The following LRRC59 variants were observed in gnomAD, a reference collection of about 807,000 sequenced individuals.
LRRC59 encodes the protein leucine rich repeat containing 59, also known as leucine-rich repeat-containing protein 59.
A neutral mutation model predicts 33.5 loss-of-function variants in LRRC59; 18 were observed. The observed-to-expected ratio is 0.54, with a 90% CI of 0.37 to 0.80. The LOEUF (loss-of-function observed/expected upper bound fraction) is 0.80, where lower values mean the gene tolerates loss of function less well. Among genes scored for constraint, LRRC59 ranks in the 30% least tolerant of loss-of-function variants. LRRC59 has a pLI of 0.00. For missense variants in LRRC59, 330 were observed against 391.9 expected (o/e 0.84, Z 1.33); for synonymous variants, 138 against 160.0 (o/e 0.86, Z 1.04).
rs545549736 is a variant in LRRC59, at chr17:50,393,003, A to G, written c.166-106T>C. On this transcript the variant is annotated intron_variant, in intron 2 of 6. Coordinates refer to ENST00000225972, the MANE Select transcript of LRRC59 (RefSeq NM_018509.4). ...TTGTAACCTTTCTTAAAACATTACGAGATTTTTTTTCCTTTTTCAGCTCAT... is the reference window on the plus strand; with the variant it reads ...TTGTAACCTTTCTTAAAACATTACGGGATTTTTTTTCCTTTTTCAGCTCAT... 31 of 1,146,270 alleles carry G rather than the reference A, an allele frequency of 2.7e-5. No homozygotes were observed. In the East Asian group the frequency reaches 7.2e-4, roughly 27 times the overall value. 71.0% of individuals were successfully genotyped at this position (1,146,270 alleles called of 1,614,324 possible). A position where few individuals can be genotyped will look rare whatever the true frequency, so the allele number is the denominator to read the frequency against.
chr17:50,382,772 A>ACCCCCCCCCC lies in LRRC59; in HGVS notation c.*215_*216insGGGGGGGGGG. ...TTAGGCATGCAGGTAACTGCCCCCC[A>ACCCCCCCCCC]CGCCCCCCCGCCACCTCCCATTTCT... On this transcript the variant is annotated 3_prime_UTR_variant, in exon 7 of 7. Transcript: ENST00000225972. The ACCCCCCCCCC allele has an allele frequency of 1.3e-5, 3 of 229,090 alleles. No homozygotes were observed. The highest frequency in any genetic ancestry group is 2.2e-5 in the Non-Finnish European group (3 of 139,078). The allele number at this position is 229,090 out of a possible 1,614,324, so 14.2% of individuals were successfully genotyped here.
At chr17:50,395,356 CAAA>C (rs11405361) in intron 1 of LRRC59, among the ~76,000 whole-genome samples, 3 of 127,112 alleles carry the variant, frequency 2.4e-5, no homozygotes, top group Non-Finnish European at 4.9e-5. Context: ...GACCCCATCT[CAAA>C]AAAAAAAAAA....
intron 6 of LRRC59, among the ~76,000 whole-genome samples, chr17:50,384,221 C>A (rs1371340252): frequency 1.3e-5 from 2 of 152,044 alleles, no homozygotes; most frequent in Admixed American, 1.3e-4. Flanking sequence ...CTCTAGTGTT[C>A]AAGCAGTGAG....
Position 50,389,485 on chromosome 17 carries a change from T to C in LRRC59, c.430-1353A>G, listed in dbSNP as rs560629374. On this transcript the variant is annotated intron_variant, in intron 4 of 6. Transcript: ENST00000225972. ...GATAAGATATACTTCTATGGAGTGT[T>C]GTGAAGAATAAATAATATAACTTGT... Among the ~76,000 whole-genome samples, 456 of 152,288 alleles carry C rather than the reference T, an allele frequency of 3.0e-3. 3 individuals carry two copies. Among genetic ancestry groups the C allele is most frequent in the African/African-American group, 0.01 (433 of 41,560 alleles).
At position 50,397,338 on chromosome 17, in the gene LRRC59, C is replaced by A; in HGVS notation, c.-21G>T. ...GTCATGGTAACGCCGGCTGAGCGGGCCCCGGCTCCGGGGTTCCGGCGGGTG... is the reference window on the plus strand; with the variant it reads ...GTCATGGTAACGCCGGCTGAGCGGGACCCGGCTCCGGGGTTCCGGCGGGTG... On this transcript the variant is annotated 5_prime_UTR_variant, in exon 1 of 7. Transcript: ENST00000225972. The A allele has an allele frequency of 6.3e-7, 1 of 1,587,392 alleles. No individual in the cohort carries two copies. Among genetic ancestry groups the A allele is most frequent in the Non-Finnish European group, 8.6e-7 (1 of 1,164,066 alleles).
At position 50,397,295 on chromosome 17, in the gene LRRC59, C is replaced by T; in HGVS notation, c.23G>A (p.Gly8Asp). The T allele has an allele frequency of 2.5e-6, 4 of 1,609,214 alleles. No homozygotes were observed. The highest frequency in any genetic ancestry group is 1.3e-5 in the African/African-American group (1 of 74,366). MTKAGSKGGNLRDKLDGN... is the reference protein window; with the variant it reads MTKAGSKDGNLRDKLDGN... The stretch of plus-strand genomic sequence containing the variant: ...GTCCAGCTTGTCGCGGAGGTTCCCG[C>T]CCTTGCTACCGGCCTTGGTCATGGT... The change falls in exon 1 of 7, where the codon GGC becomes GAC. Residue 8 changes from glycine to aspartate, a missense_variant. By Grantham distance (94) the Gly-to-Asp change is moderately conservative. Transcript: ENST00000225972.
In LRRC59 at chr17:50,397,397, G is replaced by GC. The variant is rs939598648; in HGVS notation, c.-81dup. 48 of 1,107,936 alleles carry GC rather than the reference G, an allele frequency of 4.3e-5. No homozygotes were observed. Among genetic ancestry groups the GC allele is most frequent in the South Asian group, 1.5e-4 (10 of 65,618 alleles). The allele number at this position is 1,107,936 out of a possible 1,614,324, so 68.6% of individuals were successfully genotyped here. A position where few individuals can be genotyped will look rare whatever the true frequency, so the allele number is the denominator to read the frequency against. ...TGAAATGTCGCTTGTCAGTTCAGCGGCCCCCCACCCAAACGACGACGCCTG... is the reference window on the plus strand; with the variant it reads ...TGAAATGTCGCTTGTCAGTTCAGCGGCCCCCCCACCCAAACGACGACGCCTG... On this transcript the variant is annotated 5_prime_UTR_variant, in exon 1 of 7. Coordinates refer to ENST00000225972, the MANE Select transcript of LRRC59 (RefSeq NM_018509.4).
In LRRC59 at chr17:50,382,776, C is replaced by T. The variant is rs549398671; in HGVS notation, c.*212G>A. 4 of 592,806 alleles carry T rather than the reference C, an allele frequency of 6.7e-6. No homozygotes were observed. Among genetic ancestry groups the T allele is most frequent in the East Asian group, 3.2e-5 (1 of 30,772 alleles). The allele number at this position is 592,806 out of a possible 1,614,324, so 36.7% of individuals were successfully genotyped here. ...GCATGCAGGTAACTGCCCCCCACGCCCCCCCGCCACCTCCCATTTCTCCTC... is the reference window on the plus strand; with the variant it reads ...GCATGCAGGTAACTGCCCCCCACGCTCCCCCGCCACCTCCCATTTCTCCTC... On this transcript the variant is annotated 3_prime_UTR_variant, in exon 7 of 7. Transcript: ENST00000225972.
rs781761242 is a variant in LRRC59 at position 50,392,370 on chromosome 17, A to G, written c.429+28T>C. The G allele has an allele frequency of 2.5e-6, 4 of 1,582,454 alleles. No homozygotes were observed. In the East Asian group the frequency reaches 6.7e-5, roughly 27 times the overall value. On this transcript the variant is annotated intron_variant, in intron 4 of 6. Coordinates refer to ENST00000225972, the MANE Select transcript of LRRC59 (RefSeq NM_018509.4). ...GAGAAATCCCAGGGAGTGTATAAGG[A>G]GCCACTGGGAGGGAGCTTGGTGCTT...
Position 50,385,242 on chromosome 17 carries a change from C to T in LRRC59, c.552G>A (p.Glu184=), listed in dbSNP as rs772422124. ...EAKQRAKEAQ[E]RELRKREKAE... ...CCTTCTCCCGCTTCCGCAGTTCCCG[C>T]TCCTGAGCTTCCTTAGCTCGCTGCT... The change falls in exon 6 of 7, where the codon GAG becomes GAA. Residue 184 remains glutamate, a synonymous_variant. Transcript: ENST00000225972. 2.5e-6 allele frequency: 4 copies of T among 1,614,180 alleles called. No individual in the cohort carries two copies. Among genetic ancestry groups the T allele is most frequent in the South Asian group, 1.1e-5 (1 of 91,086 alleles).
Position 50,382,776 on chromosome 17 carries a change from C to A in LRRC59, c.*212G>T. 2 of 592,806 alleles carry A rather than the reference C, an allele frequency of 3.4e-6. No individual in the cohort carries two copies. The highest frequency in any genetic ancestry group is 2.1e-5 in the South Asian group (1 of 47,536). 36.7% of individuals were successfully genotyped at this position (592,806 alleles called of 1,614,324 possible). On this transcript the variant is annotated 3_prime_UTR_variant, in exon 7 of 7. Transcript: ENST00000225972. ...GCATGCAGGTAACTGCCCCCCACGC[C>A]CCCCCGCCACCTCCCATTTCTCCTC...
At chr17:50,386,340 A>G (rs113621443) in intron 5 of LRRC59, 8 of 152,242 alleles carry the variant, frequency 5.3e-5, no homozygotes, top group Admixed American at 5.2e-4. Flanking sequence ...TGGTTCAAGC[A>G]TGTTTGCAAA....
chr17:50,382,076 T>C lies in LRRC59; in HGVS notation c.*912A>G, dbSNP rs139468680. The C allele has an allele frequency of 6.6e-6, 1 of 151,812 alleles. No homozygotes were observed. Among genetic ancestry groups the C allele is most frequent in the East Asian group, 1.9e-4 (1 of 5,184 alleles). 9.4% of individuals were successfully genotyped at this position (151,812 alleles called of 1,614,324 possible). A position where few individuals can be genotyped will look rare whatever the true frequency, so the allele number is the denominator to read the frequency against. On this transcript the variant is annotated 3_prime_UTR_variant, in exon 7 of 7. Transcript: ENST00000225972. ...ATCCACCTCCTTGCTTACTGGCAAT[T>C]AGGGAGTTAATGCTCTAAAATTAGG... is the stretch of plus-strand genomic sequence containing the variant.
At chr17:50,393,130 A>G (rs1206690336) in intron 2 of LRRC59, among the ~76,000 whole-genome samples, 3 of 152,190 alleles carry the variant, frequency 2.0e-5, no homozygotes, top group Non-Finnish European at 4.4e-5. Flanking sequence ...GGGCTCACAC[A>G]CTTCGGTGTA....
chr17:50,394,801 T>C (rs1303077220), intron 2 of LRRC59, 128 bp downstream of exon 2: 1 of 651,842 alleles, frequency 1.5e-6, no homozygotes, highest in East Asian at 2.8e-5. Context: ...GATTTAGCTA[T>C]AGCCTGCCTG....
At position 50,385,072 on chromosome 17, in the gene LRRC59, C is replaced by T. The variant is rs1255102083; in HGVS notation, c.676+46G>A. ...TGTCTATGCCTGGAAACATGAGTGT[C>T]TCCACTGTACCCCTGCTGGAATCTT... On this transcript the variant is annotated intron_variant, in intron 6 of 6. Transcript: ENST00000225972. 3 of 1,587,724 alleles carry T rather than the reference C, an allele frequency of 1.9e-6. No homozygotes were observed. The Admixed American group carries it at 5.1e-5, about 27-fold the overall frequency.
At chr17:50,394,424 A>G (rs1011280051) in intron 2 of LRRC59, among the ~76,000 whole-genome samples, 2 of 152,224 alleles carry the variant, frequency 1.3e-5, no homozygotes, top group Non-Finnish European at 2.9e-5. Flanking sequence ...TGCTGACCAC[A>G]TTGAGCAAAT....
chr17:50,395,018 C>G (rs1205718764), intron 1 of LRRC59, 30 bp from the exon 2 acceptor site: 1 of 1,495,106 alleles, frequency 6.7e-7, no homozygotes, highest in South Asian at 1.1e-5. Context: ...AAAAACATGT[C>G]AGACCAACAT....
intron 1 of LRRC59, 58 bp from the exon 2 acceptor site, chr17:50,395,046 C>T: frequency 8.3e-7 from 1 of 1,202,358 alleles, no homozygotes; most frequent in Non-Finnish European, 1.2e-6. Flanking sequence ...AATTCACTGA[C>T]ATATGTTAAT....
Sources: gnomAD v4.1 joint callset for allele counts (sites outside exome capture counted in the v4.1 genomes callset) on GRCh38, gnomAD v4.1.1 for gene constraint, MANE v1.5 for transcripts, NCBI Gene and HGNC (gene_info 2026-07-23, HGNC 2026-07-21) for gene names.